SYT16: variants seen among roughly 807,000 people sequenced by gnomAD.
SYT16 encodes the protein synaptotagmin-16.
SYT16 carries 42 observed loss-of-function variants against 61.4 expected under a neutral mutation model. The observed-to-expected ratio is 0.68, with a 90% CI of 0.53 to 0.89. The LOEUF (loss-of-function observed/expected upper bound fraction) is 0.89. SYT16 is among the 40% of genes least tolerant of loss of function. The pLI is 0.00. For synonymous variants in SYT16, 314 were observed against 302.3 expected, an observed-to-expected ratio of 1.04 and a Z score of -0.40; for missense variants, 804 against 807.3, an observed-to-expected ratio of 1.00 and a Z score of 0.05.
chr14:61,994,790 AATAG>A (rs1261200939), intron 2 of SYT16, among the ~76,000 whole-genome samples: 2 of 152,206 alleles, frequency 1.3e-5, no homozygotes, highest in African/African-American at 4.8e-5. Flanking sequence ...GCCAGCATTT[AATAG>A]ATAATCAATA....
chr14:61,814,264 G>C (rs540565421), intron 1 of SYT16, among the ~76,000 whole-genome samples: 3 of 152,270 alleles, frequency 2.0e-5, no homozygotes, highest in South Asian at 2.1e-4. Context: ...TACAAAGTGT[G>C]ATTCCATTCG....
chr14:62,064,172 T>C (rs1448074729), intron 3 of SYT16, among the ~76,000 whole-genome samples: 8 of 152,228 alleles, frequency 5.3e-5, no homozygotes, highest in Admixed American at 5.2e-4. Flanking sequence ...CAGAAAATAC[T>C]ATCTTATTGC....
chr14:61,919,237 GATC>G (rs2049238784), intron 1 of SYT16, among the ~76,000 whole-genome samples: 1 of 152,192 alleles, frequency 6.6e-6, no homozygotes, highest in Non-Finnish European at 1.5e-5. Context: ...TCCTAAGACA[GATC>G]ATCATCTGTC....
At chr14:62,067,483 G>A (rs1892048) in intron 3 of SYT16, among the ~76,000 whole-genome samples, 15,602 of 152,080 alleles carry the variant, frequency 0.1, 2,024 homozygotes, top group African/African-American at 0.3. Flanking sequence ...GAACAATCTC[G>A]GCCTGTTGGA....
chr14:62,092,703 A>G (rs529959495), intron 7 of SYT16, among the ~76,000 whole-genome samples: 4 of 152,070 alleles, frequency 2.6e-5, no homozygotes, highest in African/African-American at 9.6e-5. Flanking sequence ...AGCCAGTAGA[A>G]TGGTGGTTGC....
intron 1 of SYT16, among the ~76,000 whole-genome samples, chr14:61,902,169 T>C (rs1566665340): frequency 6.6e-6 from 1 of 152,220 alleles, no homozygotes; most frequent in Non-Finnish European, 1.5e-5. Flanking sequence ...CTCCCTGTAG[T>C]TCTCTACCTC....
chr14:61,873,519 G>T (rs1222986380), intron 1 of SYT16, among the ~76,000 whole-genome samples: 1 of 152,148 alleles, frequency 6.6e-6, no homozygotes, highest in African/African-American at 2.4e-5. Context: ...GCTTGATGTT[G>T]TTCAGAATAT....
chr14:61,844,032 G>A (rs1329685806), intron 1 of SYT16, among the ~76,000 whole-genome samples: 1 of 152,092 alleles, frequency 6.6e-6, no homozygotes, highest in African/African-American at 2.4e-5. Context: ...TCCAATCCAC[G>A]AATATGAAAT....
chr14:61,819,709 A>G (rs1182730530), intron 1 of SYT16, among the ~76,000 whole-genome samples: 1 of 152,242 alleles, frequency 6.6e-6, no homozygotes, highest in Non-Finnish European at 1.5e-5. Flanking sequence ...GCTTAGCTCA[A>G]TAGAAATTGC....
intron 1 of SYT16, among the ~76,000 whole-genome samples, chr14:61,884,840 G>T (rs1338027344): frequency 6.6e-6 from 1 of 152,122 alleles, no homozygotes; most frequent in Admixed American, 6.5e-5. Flanking sequence ...CTGTTTGTAG[G>T]GCAGAAAGTC....
chr14:61,928,353 C>A (rs1157756648), intron 1 of SYT16, among the ~76,000 whole-genome samples: 2 of 152,174 alleles, frequency 1.3e-5, no homozygotes, highest in Admixed American at 6.5e-5. Context: ...TGCTGAGGAA[C>A]AATTGGCAGG....
chr14:61,887,593 G>T (rs1004914988), intron 1 of SYT16, among the ~76,000 whole-genome samples: 28 of 152,066 alleles, frequency 1.8e-4, no homozygotes, highest in African/African-American at 5.8e-4. Flanking sequence ...AGATCTTCAG[G>T]ATAAATTGCT....
intron 1 of SYT16, among the ~76,000 whole-genome samples, chr14:61,859,423 A>C (rs1464616824): frequency 6.6e-6 from 1 of 151,810 alleles, no homozygotes. Flanking sequence ...GATTAAACCA[A>C]TCTGTGAGCC....
At chr14:61,973,597 G>T (rs1237662966) in intron 2 of SYT16, among the ~76,000 whole-genome samples, 1 of 152,104 alleles carries the variant, frequency 6.6e-6, no homozygotes, top group African/African-American at 2.4e-5. Flanking sequence ...TTTAAAAGAA[G>T]CCCAGCTTTG....
At chr14:61,890,131 TCA>T (rs1041990741) in intron 1 of SYT16, among the ~76,000 whole-genome samples, 1 of 152,208 alleles carries the variant, frequency 6.6e-6, no homozygotes, top group Non-Finnish European at 1.5e-5. Flanking sequence ...CTTCCTCCTT[TCA>T]CTTTTAGTTT....
chr14:61,992,768 C>T (rs572546583), intron 2 of SYT16, among the ~76,000 whole-genome samples: 31 of 151,950 alleles, frequency 2.0e-4, no homozygotes, highest in South Asian at 6.2e-4. Context: ...ATGAGTGAAG[C>T]GAGTGGATTG....
At chr14:62,024,326 A>G (rs1401201689) in intron 3 of SYT16, among the ~76,000 whole-genome samples, 3 of 152,086 alleles carry the variant, frequency 2.0e-5, no homozygotes, top group Admixed American at 2.0e-4. Context: ...CAGCTCTAAG[A>G]GTTTAAAATA....
chr14:61,910,783 C>T (rs1477706257), intron 1 of SYT16, among the ~76,000 whole-genome samples: 1 of 152,194 alleles, frequency 6.6e-6, no homozygotes, highest in African/African-American at 2.4e-5. Context: ...CCCACCTCGG[C>T]CTCCCAAAGT....
chr14:61,813,879 T>G lies in SYT16; in HGVS notation c.-325+1069T>G, dbSNP rs143876992. Among the ~76,000 whole-genome samples the G allele has an allele frequency of 3.8e-3, 570 of 150,670 alleles. 3 individuals are homozygous for G. The highest frequency in any genetic ancestry group is 8.4e-3 in the Admixed American group (126 of 15,038). On this transcript the variant is annotated intron_variant, in intron 1 of 7. Coordinates refer to ENST00000683842, the MANE Select transcript of SYT16 (RefSeq NM_001367656.1). ...TGAGATGTCAAAATTTCTGCAATAATTTATTATTTTTCTTGTAAACAATCA... is the reference window on the plus strand; with the variant it reads ...TGAGATGTCAAAATTTCTGCAATAAGTTATTATTTTTCTTGTAAACAATCA...
Sources: allele counts gnomAD v4.1 joint callset (sites outside exome capture counted in the v4.1 genomes callset), GRCh38; gene constraint gnomAD v4.1.1; transcripts MANE v1.5; gene names NCBI Gene and HGNC (gene_info 2026-07-23, HGNC 2026-07-21).